TBC1D14: variants seen among roughly 807,000 people sequenced by gnomAD.
The protein encoded by TBC1D14 is TBC1 domain family, member 14.
TBC1D14 carries 26 observed loss-of-function variants against 79.0 expected under a neutral mutation model. The ratio of observed to expected loss-of-function variants is 0.33; its 90% CI spans 0.24 to 0.46. The LOEUF (loss-of-function observed/expected upper bound fraction) is 0.46, where lower values mean the gene tolerates loss of function less well. Ranked by LOEUF, TBC1D14 falls within the 20% of genes least tolerant of loss-of-function variation. The pLI is 1.00. For synonymous variants in TBC1D14, 394 were observed against 349.9 expected (o/e 1.13, Z -1.40); for missense variants, 769 against 887.6 (o/e 0.87, Z 1.70).
intron 12 of TBC1D14, among the ~76,000 whole-genome samples, chr4:7,022,343 G>C (rs1308580420): frequency 6.6e-6 from 1 of 152,250 alleles, no homozygotes; most frequent in Non-Finnish European, 1.5e-5. Flanking sequence ...AAAAGATGCA[G>C]GATGGTATGC....
intron 2 of TBC1D14, among the ~76,000 whole-genome samples, chr4:6,937,552 C>T (rs1026161590): frequency 5.3e-5 from 8 of 152,046 alleles, no homozygotes; most frequent in Admixed American, 1.3e-4. Context: ...GCCATCAAGG[C>T]GTGTGGGAGA....
intron 6 of TBC1D14, 86 bp from the exon 7 acceptor site, chr4:7,001,059 C>A: frequency 2.7e-6 from 3 of 1,102,028 alleles, no homozygotes; most frequent in Non-Finnish European, 2.7e-6. Context: ...TGCATCCCAG[C>A]TCTTGGTGGT....
intron 3 of TBC1D14, among the ~76,000 whole-genome samples, chr4:6,968,693 A>AGGAGGCTGACTGCCAG (rs77487546): frequency 6.7e-6 from 1 of 148,236 alleles, no homozygotes; most frequent in South Asian, 2.2e-4. Flanking sequence ...CTGACCGCCG[A>AGGAGGCTGACTGCCAG]GAGGAGGCTG....
intron 2 of TBC1D14, among the ~76,000 whole-genome samples, chr4:6,941,985 G>A (rs550570759): frequency 2.6e-5 from 4 of 152,292 alleles, no homozygotes; most frequent in East Asian, 3.9e-4. Flanking sequence ...AGGAATACAC[G>A]GGCTTTGAGA....
intron 3 of TBC1D14, among the ~76,000 whole-genome samples, chr4:6,984,548 C>A: frequency 6.6e-6 from 1 of 152,264 alleles, no homozygotes; most frequent in East Asian, 1.9e-4. Context: ...ATTTTAAATA[C>A]AATTTATGAA....
rs372240559 is a variant in TBC1D14, at chr4:7,006,654, C to T, written c.1374C>T (p.Asp458=). The T allele has an allele frequency of 6.2e-7, 1 of 1,613,956 alleles. No individual in the cohort carries two copies. The highest frequency in any genetic ancestry group is 1.3e-5 in the African/African-American group (1 of 75,044). Residue 458 remains aspartate (D), a synonymous_variant, in exon 9 of 14, where the codon GAC becomes GAT. Coordinates refer to ENST00000409757, the MANE Select transcript of TBC1D14 (RefSeq NM_020773.3). ...ENEDAGFSAA[D]REASLELIKL... Reference sequence around the variant, plus strand: ...CAGATGCTGGTTTTTCAGCAGCAGACAGAGAAGCCAGTCTGGAGCTTATTA... The same window carrying T: ...CAGATGCTGGTTTTTCAGCAGCAGATAGAGAAGCCAGTCTGGAGCTTATTA...
At position 7,029,643 on chromosome 4, in the gene TBC1D14, G is replaced by A. The variant is rs762803829; in HGVS notation, c.2017-684G>A. ...AGTTCGAGACCATTCTGGCCAATAC[G>A]GTGAAACCCTGTCTGTACTAAAAAT... On this transcript the variant is annotated intron_variant, in intron 13 of 13. Coordinates refer to ENST00000409757, the MANE Select transcript of TBC1D14 (RefSeq NM_020773.3). Among the ~76,000 whole-genome samples the A allele has an allele frequency of 3.3e-5, 5 of 152,316 alleles. No homozygotes were observed. In the East Asian group the frequency reaches 5.8e-4, roughly 18 times the overall value.
chr4:6,922,514 G>A (rs6446552), intron 1 of TBC1D14, among the ~76,000 whole-genome samples: 40,798 of 151,970 alleles, frequency 0.27, 5,680 homozygotes, highest in Admixed American at 0.32. Flanking sequence ...GTGGTAAAGG[G>A]GATACTACAC....
At chr4:6,991,488 C>G (rs1718481858) in intron 3 of TBC1D14, among the ~76,000 whole-genome samples, 1 of 152,168 alleles carries the variant, frequency 6.6e-6, no homozygotes, top group African/African-American at 2.4e-5. Context: ...GTGGCACTTG[C>G]TTTTTCTCCC....
chr4:6,978,138 G>A (rs1487361615), intron 3 of TBC1D14, among the ~76,000 whole-genome samples: 1 of 148,178 alleles, frequency 6.7e-6, no homozygotes, highest in East Asian at 2.0e-4. Context: ...CCCCCCGCCC[G>A]GCTAGCCGCC....
chr4:7,024,779 C>T (rs1378250958), intron 12 of TBC1D14, among the ~76,000 whole-genome samples: 1 of 152,210 alleles, frequency 6.6e-6, no homozygotes, highest in Non-Finnish European at 1.5e-5. Context: ...TGCTGTCAGT[C>T]ATTCGGAAGC....
Position 6,997,792 on chromosome 4 carries a change from A to T in TBC1D14, c.1046-1293A>T, listed in dbSNP as rs1161860857. Among the ~76,000 whole-genome samples, 3 of 152,200 alleles carry T rather than the reference A, an allele frequency of 2.0e-5. No individual in the cohort carries two copies. In the East Asian group the frequency reaches 5.8e-4, roughly 29 times the overall value. ...AAACAGGACAAATAATGTATGGTCC[A>T]CTTCTATGAGGTCCCTAAGAGCAGT... On this transcript the variant is annotated intron_variant, in intron 5 of 13. Coordinates refer to ENST00000409757, the MANE Select transcript of TBC1D14 (RefSeq NM_020773.3).
chr4:7,031,694 A>C lies in TBC1D14; in HGVS notation c.*1302A>C, dbSNP rs1053647515. 1.3e-5 allele frequency: 2 copies of C among 152,242 alleles called. No homozygotes were observed. The highest frequency in any genetic ancestry group is 4.8e-5 in the African/African-American group (2 of 41,448). The allele number at this position is 152,242 out of a possible 1,614,324, so 9.4% of individuals were successfully genotyped here. On this transcript the variant is annotated 3_prime_UTR_variant, in exon 14 of 14. Transcript: ENST00000409757. ...GTCCGCTGGCAGGCTGGTCCTGGGG[A>C]GCATTCTGCGGACCCGGTCACGGGC... is the stretch of plus-strand genomic sequence containing the variant.
At chr4:6,971,183 CTG>C (rs1424855731) in intron 3 of TBC1D14, among the ~76,000 whole-genome samples, 2 of 152,274 alleles carry the variant, frequency 1.3e-5, no homozygotes, top group Non-Finnish European at 2.9e-5. Context: ...CTTTTTGTCT[CTG>C]TTGAGCCAAT....
At position 6,963,429 on chromosome 4, in the gene TBC1D14, A is replaced by G. The variant is rs1653867582; in HGVS notation, c.723-3875A>G. Among the ~76,000 whole-genome samples, 3 of 152,254 alleles carry G rather than the reference A, an allele frequency of 2.0e-5. No individual in the cohort carries two copies. The South Asian group carries it at 6.2e-4, about 31-fold the overall frequency. On this transcript the variant is annotated intron_variant, in intron 2 of 13. Transcript: ENST00000409757. ...TGTCGGGCAGACAGCACAGATGTTG[A>G]AGGGACAGAGCAGATGGGCTCTGCA...
At chr4:7,022,409 A>C (rs1222511461) in intron 12 of TBC1D14, among the ~76,000 whole-genome samples, 5 of 152,254 alleles carry the variant, frequency 3.3e-5, no homozygotes, top group African/African-American at 1.2e-4. Flanking sequence ...GACTCAGTGT[A>C]AAGGAAGGTG....
intron 3 of TBC1D14, among the ~76,000 whole-genome samples, chr4:6,981,316 C>T (rs867805853): frequency 1.3e-5 from 2 of 152,150 alleles, no homozygotes; most frequent in South Asian, 4.1e-4. Flanking sequence ...TGAGGTACTG[C>T]ACCAGCCACA....
At chr4:6,976,259 A>T (rs1716703281) in intron 3 of TBC1D14, among the ~76,000 whole-genome samples, 2 of 152,234 alleles carry the variant, frequency 1.3e-5, no homozygotes, top group South Asian at 4.1e-4. Flanking sequence ...CAACTATTGG[A>T]GTAAATGATG....
chr4:6,991,822 C>T (rs903787615), intron 3 of TBC1D14, among the ~76,000 whole-genome samples: 2 of 152,336 alleles, frequency 1.3e-5, no homozygotes, highest in Middle Eastern at 3.4e-3. Flanking sequence ...GGCTTGTTAG[C>T]GTCAGCCGCC....
Sources: allele counts gnomAD v4.1 joint callset (sites outside exome capture counted in the v4.1 genomes callset), GRCh38; gene constraint gnomAD v4.1.1; transcripts MANE v1.5; gene names NCBI Gene and HGNC (gene_info 2026-07-23, HGNC 2026-07-21).